OR51B5: variants seen among roughly 807,000 people sequenced by gnomAD.
OR51B5 encodes the protein olfactory receptor family 51 subfamily B member 5, also known as olfactory receptor 51B5.
For missense variants in OR51B5, 456 were observed against 374.6 expected (o/e 1.22, Z -1.79); for synonymous variants, 186 against 144.8 (o/e 1.28, Z -2.04).
chr11:5,422,866 T>C (rs1850373478), intron 1 of OR51B5: 1 of 1,614,158 alleles, frequency 6.2e-7, no homozygotes, highest in African/African-American at 1.3e-5. Context: ...CCTATACACT[T>C]ATTCTGAAAA....
At chr11:5,434,876 A>T (rs1319297037) in intron 1 of OR51B5, among the ~76,000 whole-genome samples, 1 of 152,204 alleles carries the variant, frequency 6.6e-6, no homozygotes, top group Admixed American at 6.5e-5. Flanking sequence ...CTTCCCTATA[A>T]AGGCCAGCAG....
intron 1 of OR51B5, among the ~76,000 whole-genome samples, chr11:5,410,800 G>A (rs1243023011): frequency 6.6e-6 from 1 of 151,672 alleles, no homozygotes; most frequent in Non-Finnish European, 1.5e-5. Flanking sequence ...CTAGGCTAAT[G>A]TGTGTGTCCA....
At chr11:5,414,798 A>G (rs190962578) in intron 1 of OR51B5, among the ~76,000 whole-genome samples, 3 of 152,332 alleles carry the variant, frequency 2.0e-5, no homozygotes, top group Admixed American at 2.0e-4. Context: ...ACCTACAAAG[A>G]GATTTAGACT....
chr11:5,470,204 T>C (rs905655222), intron 1 of OR51B5, among the ~76,000 whole-genome samples: 1 of 152,230 alleles, frequency 6.6e-6, no homozygotes, highest in South Asian at 2.1e-4. Flanking sequence ...TCAGCATGTG[T>C]TTAAACTCAT....
intron 1 of OR51B5, among the ~76,000 whole-genome samples, chr11:5,354,478 T>C (rs1849155648): frequency 8.4e-6 from 1 of 119,530 alleles, no homozygotes. Context: ...AGATAAAAAG[T>C]CCAAGAGAGG....
intron 1 of OR51B5, chr11:5,488,836 G>A: frequency 6.2e-7 from 1 of 1,614,006 alleles, no homozygotes; most frequent in South Asian, 1.1e-5. Context: ...AGCACTGGTT[G>A]GAAATGCTGC....
intron 1 of OR51B5, chr11:5,423,269 CA>C: frequency 1.5e-6 from 2 of 1,343,516 alleles, no homozygotes; most frequent in East Asian, 5.1e-5. Flanking sequence ...GGCAGTATGA[CA>C]AGTCCCTGGC....
chr11:5,385,990 T>A (rs1403080176), intron 1 of OR51B5, among the ~76,000 whole-genome samples: 1 of 150,770 alleles, frequency 6.6e-6, no homozygotes, highest in Admixed American at 6.6e-5. Flanking sequence ...ATATAAAGAA[T>A]GTGTGTGTGT....
At chr11:5,490,578 G>A (rs937386985) in intron 1 of OR51B5, among the ~76,000 whole-genome samples, 1 of 152,112 alleles carries the variant, frequency 6.6e-6, no homozygotes, top group Non-Finnish European at 1.5e-5. Flanking sequence ...TCTCAGTTCT[G>A]AAATAAATAA....
chr11:5,500,844 A>T (rs11821912), intron 1 of OR51B5, among the ~76,000 whole-genome samples: 46,124 of 147,370 alleles, frequency 0.31, 11,019 homozygotes, highest in African/African-American at 0.53. Context: ...TATGCCTATG[A>T]TCTGTCATAG....
chr11:5,383,975 G>A (rs12360697), intron 1 of OR51B5: 23,689 of 152,128 alleles, frequency 0.16, 1,866 homozygotes, highest in African/African-American at 0.17. Context: ...AGGGGGACAT[G>A]GGAGAGAGGA....
At chr11:5,412,311 C>G (rs1485163518) in intron 1 of OR51B5, among the ~76,000 whole-genome samples, 1 of 152,154 alleles carries the variant, frequency 6.6e-6, no homozygotes, top group Non-Finnish European at 1.5e-5. Context: ...CCGGGAGGAG[C>G]CAAGATGGCT....
Position 5,447,438 on chromosome 11 carries a change from T to A in OR51B5, n.84+58131A>T, listed in dbSNP as rs149320694. Among the ~76,000 whole-genome samples, 49 of 152,320 alleles carry A rather than the reference T, an allele frequency of 3.2e-4. No homozygotes were observed. In the East Asian group the frequency reaches 9.5e-3, roughly 29 times the overall value. On this transcript the variant is annotated intron_variant and non_coding_transcript_variant, in intron 1 of 4. Coordinates refer to the OR51B5 transcript ENST00000415970. ...CACCTTTGGCTTTCCAGTCTATAGG[T>A]GGTAGTAGCTTCCTGCTGTTACAAA...
At chr11:5,422,195 T>A in intron 1 of OR51B5, 2 of 1,588,550 alleles carry the variant, frequency 1.3e-6, no homozygotes, top group East Asian at 2.2e-5. Flanking sequence ...GACACATTCA[T>A]CAGTCATGTC....
At chr11:5,489,202 C>G (rs745688630) in intron 1 of OR51B5, 2 of 1,613,826 alleles carry the variant, frequency 1.2e-6, no homozygotes, top group Non-Finnish European at 1.7e-6. Context: ...CATCTTCTTG[C>G]TGAGGCGACT....
intron 1 of OR51B5, among the ~76,000 whole-genome samples, chr11:5,493,244 G>A (rs447358): frequency 0.99 from 150,417 of 152,260 alleles, 74,325 homozygotes; most frequent in East Asian, 1. Flanking sequence ...GGGGTCTGAA[G>A]GCAGCTTGCA....
chr11:5,483,760 C>G (rs992899742), intron 1 of OR51B5, among the ~76,000 whole-genome samples: 1 of 152,076 alleles, frequency 6.6e-6, no homozygotes, highest in Non-Finnish European at 1.5e-5. Context: ...GGGGATGCCA[C>G]CTGGGTTTTC....
rs146309282 is a variant in OR51B5 at position 5,362,735 on chromosome 11, G to A, written n.85-15825C>T. ...CACCACCTGGTTCTTTGTTTACGAG[G>A]TCACCTCTACCAAGTACACTTGTGA... On this transcript the variant is annotated intron_variant and non_coding_transcript_variant, in intron 1 of 4. Coordinates refer to the OR51B5 transcript ENST00000415970. 1.7e-3 allele frequency: 381 copies of A among 222,600 alleles called. 1 individual carries two copies. The highest frequency in any genetic ancestry group is 3.0e-3 in the Non-Finnish European group (320 of 107,394). 13.8% of individuals were successfully genotyped at this position (222,600 alleles called of 1,614,324 possible).
rs549132264 is a variant in OR51B5 at position 5,419,458 on chromosome 11, A to G, written n.85-72548T>C. Among the ~76,000 whole-genome samples the G allele has an allele frequency of 3.3e-5, 5 of 152,282 alleles. No homozygotes were observed. The South Asian group carries it at 8.3e-4, about 25-fold the overall frequency. ...CAAAAGTATTGGAAAAAAAACTTCC[A>G]TCTACACTGAACATGCACAGATTAT... On this transcript the variant is annotated intron_variant and non_coding_transcript_variant, in intron 1 of 4. Coordinates refer to the OR51B5 transcript ENST00000415970.
Sources: allele counts gnomAD v4.1 joint callset (sites outside exome capture counted in the v4.1 genomes callset), GRCh38; gene constraint gnomAD v4.1.1; transcripts MANE v1.5; gene names NCBI Gene and HGNC (gene_info 2026-07-23, HGNC 2026-07-21).